Variants in DLC1 observed in about 807,000 individuals in gnomAD.
The protein encoded by DLC1 is rho GTPase-activating protein 7.
DLC1 carries 54 observed loss-of-function variants against 140.3 expected under a neutral mutation model. The observed-to-expected ratio is 0.38, with a 90% CI of 0.31 to 0.48. DLC1 has a LOEUF of 0.48. DLC1 is among the 20% of genes least tolerant of loss of function. The probability of loss-of-function intolerance (pLI) is 0.96; values close to 1 mark genes in which losing one functional copy is unlikely to be tolerated. For synonymous variants in DLC1, 986 were observed against 728.1 expected (o/e 1.35, Z -5.70); for missense variants, 2,536 against 1,907.0 (o/e 1.33, Z -6.14).
At chr8:13,138,048 TGG>T (rs1822700429) in intron 5 of DLC1, among the ~76,000 whole-genome samples, 2 of 152,214 alleles carry the variant, frequency 1.3e-5, no homozygotes, top group African/African-American at 4.8e-5. Flanking sequence ...CTACTGGCTT[TGG>T]TTCCTACTCT....
chr8:13,230,598 T>C (rs1461216485), intron 5 of DLC1, among the ~76,000 whole-genome samples: 2 of 124,586 alleles, frequency 1.6e-5, no homozygotes, highest in Non-Finnish European at 3.2e-5. Flanking sequence ...TTCTTTTTTC[T>C]TTTTTTTTTT....
rs7008644 is a variant in DLC1, at chr8:13,412,325, T to C, written c.1024-10706A>G. On this transcript the variant is annotated intron_variant, in intron 2 of 17. Coordinates refer to ENST00000276297, the MANE Select transcript of DLC1 (RefSeq NM_182643.3). ...TTGGAAATAGAATTTTTTTCCCCTT[T>C]GGAGAGTAGCTTGGGAGTCTCTATC... Among the ~76,000 whole-genome samples the C allele has an allele frequency of 5.0e-3, 757 of 152,326 alleles. 5 individuals carry two copies. The highest frequency in any genetic ancestry group is 0.016 in the African/African-American group (657 of 41,570).
At chr8:13,214,593 T>TG (rs755203129) in intron 5 of DLC1, 2 of 697,314 alleles carry the variant, frequency 2.9e-6, no homozygotes, top group Admixed American at 4.5e-5. Flanking sequence ...CCGAGGAAAT[T>TG]GGAGTGCAGT....
intron 5 of DLC1, among the ~76,000 whole-genome samples, chr8:13,279,421 C>T (rs959717722): frequency 1.3e-5 from 2 of 152,166 alleles, no homozygotes; most frequent in Admixed American, 6.5e-5. Context: ...GTAGAATGAC[C>T]CACAGACTTC....
chr8:13,148,951 C>A (rs1002177013), intron 5 of DLC1, among the ~76,000 whole-genome samples: 1 of 152,104 alleles, frequency 6.6e-6, no homozygotes, highest in Non-Finnish European at 1.5e-5. Context: ...CGTCACCACG[C>A]CCGGCTAATT....
intron 2 of DLC1, among the ~76,000 whole-genome samples, chr8:13,428,205 G>A (rs1425829202): frequency 6.6e-6 from 1 of 152,156 alleles, no homozygotes; most frequent in African/African-American, 2.4e-5. Flanking sequence ...TACCTTCACT[G>A]GGTCCACAGA....
rs368190624 is a variant in DLC1, at chr8:13,115,668, A to G, written c.1349-11T>C. 9 of 1,613,112 alleles carry G rather than the reference A, an allele frequency of 5.6e-6. No homozygotes were observed. Among genetic ancestry groups the G allele is most frequent in the Non-Finnish European group, 7.6e-6 (9 of 1,179,684 alleles). ...CCTTGGCTTCAATTTCTAGAACAGA[A>G]CAGAAGAAAGACAAAATTAGCCATG... On this transcript the variant is annotated splice_polypyrimidine_tract_variant and intron_variant, in intron 5 of 17. Coordinates refer to ENST00000276297, the MANE Select transcript of DLC1 (RefSeq NM_182643.3).
intron 5 of DLC1, among the ~76,000 whole-genome samples, chr8:13,229,485 C>G (rs1828946201): frequency 6.6e-6 from 1 of 151,984 alleles, no homozygotes; most frequent in Admixed American, 6.6e-5. Context: ...TATATGGTTT[C>G]TTTTTAAGGT....
chr8:13,417,658 C>G (rs528275763), intron 2 of DLC1, among the ~76,000 whole-genome samples: 2 of 152,196 alleles, frequency 1.3e-5, no homozygotes, highest in South Asian at 2.1e-4. Flanking sequence ...GTGAATAGTG[C>G]CGCAATAAAC....
chr8:13,286,145 G>C (rs546356460), intron 5 of DLC1, among the ~76,000 whole-genome samples: 2 of 152,178 alleles, frequency 1.3e-5, no homozygotes, highest in African/African-American at 4.8e-5. Flanking sequence ...AGAAGTGATA[G>C]AATTGGGTCA....
intron 6 of DLC1, among the ~76,000 whole-genome samples, chr8:13,111,892 C>CCA (rs1168033810): frequency 6.6e-6 from 1 of 152,016 alleles, no homozygotes; most frequent in Non-Finnish European, 1.5e-5. Flanking sequence ...ATCTGTAATC[C>CCA]CAGCAGTTTG....
chr8:13,188,950 A>C (rs549154529), intron 5 of DLC1, among the ~76,000 whole-genome samples: 10 of 148,474 alleles, frequency 6.7e-5, no homozygotes, highest in Non-Finnish European at 1.5e-4. Flanking sequence ...CGGCCTCCCA[A>C]AGTGCTGGTA....
At chr8:13,480,277 C>T (rs1054414908) in intron 2 of DLC1, among the ~76,000 whole-genome samples, 1 of 151,826 alleles carries the variant, frequency 6.6e-6, no homozygotes, top group Non-Finnish European at 1.5e-5. Flanking sequence ...ATATGCACGA[C>T]AATGTGATTA....
chr8:13,569,425 C>A (rs182139850), intron 1 of DLC1, among the ~76,000 whole-genome samples: 1 of 152,084 alleles, frequency 6.6e-6, no homozygotes. Flanking sequence ...TGGAAAATAA[C>A]CATTACCATT....
intron 4 of DLC1, among the ~76,000 whole-genome samples, chr8:13,347,309 G>A (rs561658295): frequency 6.6e-6 from 1 of 152,198 alleles, no homozygotes; most frequent in Non-Finnish European, 1.5e-5. Flanking sequence ...ACCACATTCA[G>A]TAATAATGGT....
At chr8:13,267,621 T>G (rs927136654) in intron 5 of DLC1, among the ~76,000 whole-genome samples, 1 of 152,206 alleles carries the variant, frequency 6.6e-6, no homozygotes, top group Non-Finnish European at 1.5e-5. Flanking sequence ...CACTGCATAG[T>G]GTCAACAATC....
intron 1 of DLC1, among the ~76,000 whole-genome samples, chr8:13,539,242 C>T (rs1315052909): frequency 1.3e-5 from 2 of 151,986 alleles, no homozygotes; most frequent in African/African-American, 2.4e-5. Flanking sequence ...CTCTGTTGCC[C>T]AGGCTGGAGT....
chr8:13,240,297 T>C (rs1364741900), intron 5 of DLC1, among the ~76,000 whole-genome samples: 1 of 152,212 alleles, frequency 6.6e-6, no homozygotes, highest in Non-Finnish European at 1.5e-5. Flanking sequence ...AAAGGGCTGG[T>C]AGTTCAAAGG....
At chr8:13,465,856 C>G (rs1372146133) in intron 2 of DLC1, among the ~76,000 whole-genome samples, 1 of 152,118 alleles carries the variant, frequency 6.6e-6, no homozygotes, top group Non-Finnish European at 1.5e-5. Context: ...AACCAATGTC[C>G]TGGTTCTCAT....
Sources: allele counts gnomAD v4.1 joint callset (sites outside exome capture counted in the v4.1 genomes callset), GRCh38; gene constraint gnomAD v4.1.1; transcripts MANE v1.5; gene names NCBI Gene and HGNC (gene_info 2026-07-23, HGNC 2026-07-21).